The following DNM3 variants were observed in gnomAD, a reference collection of about 807,000 sequenced individuals.
DNM3 encodes the protein dynamin-3.
Under a neutral mutation model 101.6 loss-of-function variants are expected in DNM3, and 47 were observed. The observed-to-expected ratio is 0.46, with a 90% CI of 0.37 to 0.59. The LOEUF (loss-of-function observed/expected upper bound fraction) is 0.59, where lower values mean the gene tolerates loss of function less well. DNM3 is among the 20% of genes least tolerant of loss of function. DNM3 has a pLI of 0.00. For synonymous variants in DNM3, 385 were observed against 387.9 expected, an observed-to-expected ratio of 0.99 and a Z score of 0.09; for missense variants, 849 against 1,085.7, an observed-to-expected ratio of 0.78 and a Z score of 3.06.
Position 172,409,629 on chromosome 1 carries a change from G to A in DNM3, c.*1788G>A, listed in dbSNP as rs1408049113. ...TTAACTCTTTGTGAATGGAACCAAT[G>A]TGCAAGATACATACTGCATTTTTAA... On this transcript the variant is annotated 3_prime_UTR_variant, in exon 21 of 21. Transcript: ENST00000627582. 1 of 985,592 alleles carries A rather than the reference G, an allele frequency of 1.0e-6. No homozygotes were observed. The highest frequency in any genetic ancestry group is 1.2e-6 in the Non-Finnish European group (1 of 829,876). The allele number at this position is 985,592 out of a possible 1,614,324, so 61.1% of individuals were successfully genotyped here. A position where few individuals can be genotyped will look rare whatever the true frequency, so the allele number is the denominator to read the frequency against.
intron 14 of DNM3, among the ~76,000 whole-genome samples, chr1:172,158,842 T>C (rs2148276918): frequency 6.6e-6 from 1 of 152,230 alleles, no homozygotes; most frequent in Admixed American, 6.5e-5. Context: ...AATACTCTAC[T>C]ATGTGAGCTA....
intron 17 of DNM3, among the ~76,000 whole-genome samples, chr1:172,363,114 T>A (rs1181647278): frequency 7.2e-5 from 11 of 151,920 alleles, no homozygotes. Context: ...ATTTACTGAG[T>A]ACTCACACTA....
At chr1:171,913,465 G>C (rs1276210803) in intron 1 of DNM3, among the ~76,000 whole-genome samples, 3 of 152,128 alleles carry the variant, frequency 2.0e-5, no homozygotes, top group Non-Finnish European at 2.9e-5. Flanking sequence ...GTAAACTTCA[G>C]TAGAAAATTT....
intron 1 of DNM3, among the ~76,000 whole-genome samples, chr1:171,868,898 C>CT (rs1228690201): frequency 6.6e-6 from 1 of 152,180 alleles, no homozygotes; most frequent in East Asian, 1.9e-4. Context: ...ATTCTCCTGC[C>CT]TCAGCCTCCC....
intron 15 of DNM3, among the ~76,000 whole-genome samples, chr1:172,304,443 T>C (rs2064674467): frequency 6.6e-6 from 1 of 152,096 alleles, no homozygotes. Flanking sequence ...GGGGAGATTT[T>C]AACACCCACT....
At chr1:171,881,426 C>T (rs1425076193) in intron 1 of DNM3, among the ~76,000 whole-genome samples, 2 of 152,020 alleles carry the variant, frequency 1.3e-5, no homozygotes, top group Admixed American at 6.6e-5. Flanking sequence ...TGAAAATTCT[C>T]CTGTGACGTT....
In DNM3 at chr1:172,253,558, T is replaced by C. The variant is rs2062274186; in HGVS notation, c.1660-15T>C. 3.3e-6 allele frequency: 5 copies of C among 1,506,824 alleles called. No homozygotes were observed. The South Asian group carries it at 6.0e-5, about 18-fold the overall frequency. 93.3% of individuals were successfully genotyped at this position (1,506,824 alleles called of 1,614,324 possible). ...TCCTCTCCTCTCCCTCTTTTCTTTC[T>C]CTCTCTTATAATAGGAAAAAGAAAA... On this transcript the variant is annotated splice_polypyrimidine_tract_variant and intron_variant, in intron 14 of 20. Transcript: ENST00000627582.
chr1:172,358,907 A>AC (rs2067589436), intron 17 of DNM3, among the ~76,000 whole-genome samples: 1 of 149,840 alleles, frequency 6.7e-6, no homozygotes, highest in African/African-American at 2.5e-5. Context: ...AAGGAAAAAA[A>AC]AGCCACAGAC....
At chr1:172,404,773 C>T (rs1391368369) in intron 20 of DNM3, among the ~76,000 whole-genome samples, 2 of 151,994 alleles carry the variant, frequency 1.3e-5, no homozygotes, top group Non-Finnish European at 2.9e-5. Context: ...CTCCGAATTA[C>T]AAAATTTTGC....
intron 15 of DNM3, among the ~76,000 whole-genome samples, chr1:172,262,069 T>A (rs1573191151): frequency 6.6e-6 from 1 of 152,040 alleles, no homozygotes; most frequent in Admixed American, 6.6e-5. Flanking sequence ...ACTGGAAAAA[T>A]GCTTAGGTGA....
At chr1:172,230,851 T>A (rs2061310117) in intron 14 of DNM3, among the ~76,000 whole-genome samples, 2 of 152,150 alleles carry the variant, frequency 1.3e-5, no homozygotes, top group African/African-American at 4.8e-5. Context: ...ATTCTCCTCT[T>A]GGCTTCCATA....
At chr1:171,941,678 T>G (rs2041826233) in intron 2 of DNM3, among the ~76,000 whole-genome samples, 1 of 152,212 alleles carries the variant, frequency 6.6e-6, no homozygotes, top group South Asian at 2.1e-4. Flanking sequence ...TGTGTAAAGC[T>G]TAATATCCTT....
intron 15 of DNM3, among the ~76,000 whole-genome samples, chr1:172,274,211 A>G (rs1357705304): frequency 1.3e-5 from 2 of 152,028 alleles, no homozygotes; most frequent in East Asian, 3.9e-4. Context: ...ACAGTGATGG[A>G]ATTTCCAGAG....
At chr1:172,167,027 G>T (rs192769148) in intron 14 of DNM3, among the ~76,000 whole-genome samples, 1 of 151,414 alleles carries the variant, frequency 6.6e-6, no homozygotes, top group African/African-American at 2.4e-5. Context: ...CCATTAACTC[G>T]TCATTTACAT....
chr1:172,189,562 T>C (rs1054879439), intron 14 of DNM3, among the ~76,000 whole-genome samples: 2 of 152,108 alleles, frequency 1.3e-5, no homozygotes, highest in Non-Finnish European at 2.9e-5. Flanking sequence ...TATAGATCTT[T>C]TTCATATGTT....
At chr1:171,901,525 C>T (rs574899490) in intron 1 of DNM3, among the ~76,000 whole-genome samples, 3 of 152,260 alleles carry the variant, frequency 2.0e-5, no homozygotes, top group Admixed American at 6.5e-5. Flanking sequence ...GGCAGGCACA[C>T]TGATGCCCGG....
chr1:172,219,377 C>CA (rs58783160), intron 14 of DNM3, among the ~76,000 whole-genome samples: 14,534 of 56,412 alleles, frequency 0.26, 2,326 homozygotes, highest in Middle Eastern at 0.35. Context: ...TACCCTGTCT[C>CA]AAAAAAAAAA....
intron 2 of DNM3, chr1:171,970,108 A>G (rs1309046208): frequency 3.9e-6 from 1 of 258,932 alleles, no homozygotes; most frequent in East Asian, 1.8e-4. Context: ...TTTGGCATAG[A>G]TAGTTCCTTC....
intron 13 of DNM3, among the ~76,000 whole-genome samples, chr1:172,105,065 A>G (rs778243294): frequency 6.6e-6 from 1 of 152,224 alleles, no homozygotes; most frequent in Non-Finnish European, 1.5e-5. Flanking sequence ...GTAACAACTC[A>G]GTTACTATGG....
Sources: gnomAD v4.1 joint callset for allele counts (sites outside exome capture counted in the v4.1 genomes callset) on GRCh38, gnomAD v4.1.1 for gene constraint, MANE v1.5 for transcripts, NCBI Gene and HGNC (gene_info 2026-07-23, HGNC 2026-07-21) for gene names.